Variants in HERC4 observed in about 807,000 individuals in gnomAD.
HERC4 encodes probable E3 ubiquitin-protein ligase HERC4.
HERC4 carries 28 observed loss-of-function variants against 124.3 expected under a neutral mutation model. The observed-to-expected ratio is 0.23, with a 90% CI of 0.17 to 0.31. The LOEUF (loss-of-function observed/expected upper bound fraction) is 0.31. Ranked by LOEUF, HERC4 falls within the 10% of genes least tolerant of loss-of-function variation. The pLI, the probability that HERC4 is intolerant of heterozygous loss-of-function variation, is 1.00. For missense variants in HERC4, 713 were observed against 1,229.3 expected, an observed-to-expected ratio of 0.58 and a Z score of 6.28; for synonymous variants, 407 against 421.5, an observed-to-expected ratio of 0.97 and a Z score of 0.42.
chr10:67,987,476 T>A (rs557334872), intron 15 of HERC4, among the ~76,000 whole-genome samples: 15 of 152,172 alleles, frequency 9.9e-5, no homozygotes, highest in Non-Finnish European at 2.1e-4. Context: ...AATTAATCTC[T>A]TGAATCCTCG....
chr10:67,923,071 T>C lies in HERC4; in HGVS notation c.3010A>G (p.Thr1004Ala). The change falls in exon 25 of 25, where the codon ACA (threonine) becomes GCA (alanine). Residue 1004 changes from threonine to alanine, a missense_variant. Thr to Ala is a moderately conservative substitution (Grantham distance 58, BLOSUM62 0). Transcript: ENST00000373700. ...MKSLKLVIQS[T>A]GGGEEYLPVS... ...GGGAGATACTCCTCACCACCTCCTG[T>C]GGACTGGATGACTAGTTTCAGACTC... The C allele has an allele frequency of 1.2e-6, 2 of 1,613,810 alleles. No individual in the cohort carries two copies. Among genetic ancestry groups the C allele is most frequent in the East Asian group, 2.2e-5 (1 of 44,864 alleles).
chr10:68,023,848 T>C (rs2038770974), intron 8 of HERC4, among the ~76,000 whole-genome samples: 1 of 152,176 alleles, frequency 6.6e-6, no homozygotes, highest in Admixed American at 6.5e-5. Flanking sequence ...GACCTCCATG[T>C]AAAAGGCAAC....
chr10:68,014,791 T>C (rs1256943469), intron 8 of HERC4, among the ~76,000 whole-genome samples: 3 of 152,148 alleles, frequency 2.0e-5, no homozygotes, highest in Non-Finnish European at 4.4e-5. Context: ...CAATCCACTC[T>C]CAGTAAACCT....
chr10:67,973,319 G>A (rs2132532013), intron 15 of HERC4, among the ~76,000 whole-genome samples: 1 of 152,328 alleles, frequency 6.6e-6, no homozygotes, highest in East Asian at 1.9e-4. Context: ...AGCGGCACAT[G>A]GAGCAAAACT....
At chr10:68,018,933 C>A (rs1589338223) in intron 8 of HERC4, among the ~76,000 whole-genome samples, 1 of 134,824 alleles carries the variant, frequency 7.4e-6, no homozygotes, top group Non-Finnish European at 1.6e-5. Context: ...GAGAACTTCA[C>A]AACCTATGCT....
At chr10:67,997,880 A>T (rs900294783) in intron 9 of HERC4, among the ~76,000 whole-genome samples, 1 of 152,040 alleles carries the variant, frequency 6.6e-6, no homozygotes, top group Admixed American at 6.6e-5. Flanking sequence ...TCAATCAACC[A>T]TGCATGGATA....
chr10:67,958,963 A>G, intron 16 of HERC4: 1 of 531,570 alleles, frequency 1.9e-6, no homozygotes, highest in South Asian at 3.6e-5. Context: ...GATAATCTCT[A>G]CAGACTGTAT....
At chr10:67,941,167 T>A (rs1209018483) in intron 19 of HERC4, 62 bp from the exon 20 acceptor site, 10 of 1,194,566 alleles carry the variant, frequency 8.4e-6, no homozygotes, top group Non-Finnish European at 1.1e-5. Context: ...TTTTCTAAGA[T>A]TACATAAATA....
chr10:68,004,793 C>G (rs1168430300), intron 9 of HERC4, among the ~76,000 whole-genome samples: 1 of 152,184 alleles, frequency 6.6e-6, no homozygotes, highest in Non-Finnish European at 1.5e-5. Flanking sequence ...CCTTATAAAA[C>G]AATCAGATCT....
intron 19 of HERC4, among the ~76,000 whole-genome samples, chr10:67,943,245 A>G (rs946928305): frequency 3.3e-5 from 5 of 152,254 alleles, no homozygotes; most frequent in African/African-American, 1.2e-4. Context: ...GTTCTTAAAT[A>G]GAGCAGACTG....
chr10:67,933,007 A>T (rs2031988332), intron 22 of HERC4, among the ~76,000 whole-genome samples: 1 of 152,232 alleles, frequency 6.6e-6, no homozygotes, highest in Non-Finnish European at 1.5e-5. Flanking sequence ...AGTTATTCTT[A>T]GGCTATTCCT....
chr10:67,924,193 A>G (rs1160554491), intron 24 of HERC4, among the ~76,000 whole-genome samples: 1 of 152,182 alleles, frequency 6.6e-6, no homozygotes, highest in Non-Finnish European at 1.5e-5. Flanking sequence ...ACTGTACTGA[A>G]TGTGTCAACT....
intron 7 of HERC4, 95 bp downstream of exon 7, chr10:68,032,683 C>A: frequency 1.5e-6 from 1 of 670,850 alleles, no homozygotes; most frequent in South Asian, 2.0e-5. Context: ...ACCAATAACA[C>A]TCAAGTTAAA....
chr10:67,948,311 A>T (rs1329789677), intron 19 of HERC4, among the ~76,000 whole-genome samples: 2 of 152,134 alleles, frequency 1.3e-5, no homozygotes, highest in Non-Finnish European at 2.9e-5. Context: ...CAAGGAACTC[A>T]GATAATTATT....
At chr10:67,977,995 G>T (rs2035696724) in intron 15 of HERC4, among the ~76,000 whole-genome samples, 1 of 147,432 alleles carries the variant, frequency 6.8e-6, no homozygotes, top group Non-Finnish European at 1.5e-5. Context: ...AAGCCCTTGG[G>T]CTGGGCATGG....
At chr10:68,025,968 T>C (rs1052401981) in intron 7 of HERC4, among the ~76,000 whole-genome samples, 1 of 152,230 alleles carries the variant, frequency 6.6e-6, no homozygotes, top group Non-Finnish European at 1.5e-5. Flanking sequence ...GAATTCCACA[T>C]ACATATATAT....
rs1415825679 is a variant in HERC4, at chr10:68,059,444, A to AATATTATATATTATAATAATATTAT, written c.226+13414_226+13438dup. On this transcript the variant is annotated intron_variant, in intron 3 of 24. Coordinates refer to ENST00000373700, the MANE Select transcript of HERC4 (RefSeq NM_015601.4). ...GTTTTGTTTCTCTCGCTATTATAAT[A>AATATTATATATTATAATAATATTAT]ATATTATATATTATAATAATATTAT... 4.9e-3 allele frequency among the ~76,000 whole-genome samples: 637 copies of AATATTATATATTATAATAATATTAT among 130,766 alleles called. 10 individuals carry two copies. Among genetic ancestry groups the AATATTATATATTATAATAATATTAT allele is most frequent in the African/African-American group, 0.018 (616 of 33,668 alleles). The allele number at this position is 130,766 out of a possible 152,430, so 85.8% of individuals were successfully genotyped here.
At chr10:67,927,399 TATATATATATATATATATA>T (rs2031141064) in intron 23 of HERC4, among the ~76,000 whole-genome samples, 1 of 7,816 alleles carries the variant, frequency 1.3e-4, no homozygotes, top group African/African-American at 3.9e-4. Flanking sequence ...TATATATATA[TATATATATATATATATATA>T]TATATATATA....
At chr10:68,044,841 GAAGTT>G (rs2039938994) in intron 3 of HERC4, among the ~76,000 whole-genome samples, 1 of 151,938 alleles carries the variant, frequency 6.6e-6, no homozygotes, top group South Asian at 2.1e-4. Context: ...ATTTTGGGAA[GAAGTT>G]AAGGGTTTAT....
Sources: gnomAD v4.1 joint callset for allele counts (sites outside exome capture counted in the v4.1 genomes callset) on GRCh38, gnomAD v4.1.1 for gene constraint, MANE v1.5 for transcripts, NCBI Gene and HGNC (gene_info 2026-07-23, HGNC 2026-07-21) for gene names.